PDE7B: variants seen among roughly 807,000 people sequenced by gnomAD.
PDE7B encodes 3',5'-cyclic-AMP phosphodiesterase 7B.
In PDE7B, 29 loss-of-function variants were observed where a neutral mutation model predicts 56.2. The observed-to-expected ratio is 0.52, with a 90% confidence interval of 0.38 to 0.70. PDE7B has a LOEUF of 0.70. Ranked by LOEUF, PDE7B falls within the 30% of genes least tolerant of loss-of-function variation. The pLI is 0.00. For missense variants in PDE7B, 490 were observed against 565.0 expected (o/e 0.87, Z 1.35); for synonymous variants, 197 against 196.9 (o/e 1.00, Z 0.00).
intron 2 of PDE7B, among the ~76,000 whole-genome samples, chr6:136,051,491 A>G (rs892291665): frequency 6.6e-6 from 1 of 152,244 alleles, no homozygotes; most frequent in African/African-American, 2.4e-5. Flanking sequence ...CCCTGCAAGA[A>G]GCATATCCTG....
intron 2 of PDE7B, among the ~76,000 whole-genome samples, chr6:135,972,265 A>C (rs1359052652): frequency 4.6e-5 from 7 of 150,642 alleles, no homozygotes; most frequent in African/African-American, 9.8e-5. Flanking sequence ...AAAAAAACCC[A>C]AAAAACAGGG....
chr6:136,104,278 A>G (rs1486610596), intron 2 of PDE7B, among the ~76,000 whole-genome samples: 3 of 152,226 alleles, frequency 2.0e-5, no homozygotes, highest in African/African-American at 7.2e-5. Flanking sequence ...TAGGCTGTCA[A>G]CGCTTCCTAC....
At chr6:135,914,485 C>CTTT (rs759938662) in intron 1 of PDE7B, among the ~76,000 whole-genome samples, 10 of 41,920 alleles carry the variant, frequency 2.4e-4, no homozygotes, top group Non-Finnish European at 3.4e-4. Context: ...TTTTATAATG[C>CTTT]TTTTTTTTTT....
At chr6:135,989,793 G>A (rs1775448362) in intron 2 of PDE7B, among the ~76,000 whole-genome samples, 2 of 152,096 alleles carry the variant, frequency 1.3e-5, no homozygotes, top group South Asian at 4.2e-4. Context: ...TGCCCACTTG[G>A]TGGGTTTCTG....
Position 136,125,586 on chromosome 6 carries a change from T to G in PDE7B, c.166+16772T>G, listed in dbSNP as rs117923178. ...CCTGTCCCTAAAAAAAATAAATAAA[T>G]AAAGAATACATATATATATATAGGT... On this transcript the variant is annotated intron_variant, in intron 3 of 12. Transcript: ENST00000308191. 4.0e-4 allele frequency among the ~76,000 whole-genome samples: 60 copies of G among 151,686 alleles called. No individual in the cohort carries two copies. The East Asian group carries it at 4.3e-3, about 11-fold the overall frequency.
intron 3 of PDE7B, among the ~76,000 whole-genome samples, chr6:136,131,494 G>GTTTTTTTTTTT (rs1201361799): frequency 3.5e-5 from 3 of 84,712 alleles, no homozygotes; most frequent in African/African-American, 4.7e-5. Flanking sequence ...ATCCTGGCAG[G>GTTTTTTTTTTT]TTTTTTTTTT....
intron 2 of PDE7B, among the ~76,000 whole-genome samples, chr6:136,026,127 C>T (rs1776146461): frequency 6.6e-6 from 1 of 152,216 alleles, no homozygotes; most frequent in Non-Finnish European, 1.5e-5. Flanking sequence ...AAGGTAAAGA[C>T]TACTCTGATA....
At chr6:135,859,283 T>G (rs573331733) in intron 1 of PDE7B, among the ~76,000 whole-genome samples, 63 of 152,264 alleles carry the variant, frequency 4.1e-4, no homozygotes, top group South Asian at 2.7e-3. Flanking sequence ...TGTGTTTCCA[T>G]GTTCTTAAGA....
chr6:135,880,907 T>G (rs1449952606), intron 1 of PDE7B, among the ~76,000 whole-genome samples: 2 of 152,150 alleles, frequency 1.3e-5, no homozygotes, highest in Non-Finnish European at 2.9e-5. Flanking sequence ...GAAAGAAAAT[T>G]ATAAGTTTGC....
rs773729461 is a variant in PDE7B, at chr6:136,192,649, T to C, written c.*809T>C. On this transcript the variant is annotated 3_prime_UTR_variant, in exon 13 of 13. Transcript: ENST00000308191. ...TACATTTTCTGTAAATACCAAACGC[T>C]ACTGATTCCCATGCCAAAATACATG... The C allele has an allele frequency of 3.3e-5, 5 of 152,676 alleles. No individual in the cohort carries two copies. Among genetic ancestry groups the C allele is most frequent in the Non-Finnish European group, 7.3e-5 (5 of 68,048 alleles). 9.5% of individuals were successfully genotyped at this position (152,676 alleles called of 1,614,324 possible).
At chr6:136,107,952 C>T (rs529940940) in intron 2 of PDE7B, among the ~76,000 whole-genome samples, 28 of 151,982 alleles carry the variant, frequency 1.8e-4, no homozygotes, top group African/African-American at 6.0e-4. Flanking sequence ...CATGGTGATA[C>T]CCTGTCTCTA....
chr6:136,138,434 C>T (rs910200372), intron 3 of PDE7B, among the ~76,000 whole-genome samples: 5 of 152,030 alleles, frequency 3.3e-5, no homozygotes, highest in Non-Finnish European at 7.4e-5. Context: ...CTTATATCTT[C>T]GTTTTTCTTT....
chr6:136,022,787 A>G (rs1776093608), intron 2 of PDE7B, among the ~76,000 whole-genome samples: 1 of 152,214 alleles, frequency 6.6e-6, no homozygotes. Flanking sequence ...GTGTCTGTGC[A>G]CAAAATGGTA....
At chr6:135,991,679 A>ATGCTTTTTAGTCATGCATAAAAAAT (rs1308379820) in intron 2 of PDE7B, among the ~76,000 whole-genome samples, 1 of 152,170 alleles carries the variant, frequency 6.6e-6, no homozygotes, top group Non-Finnish European at 1.5e-5. Flanking sequence ...TTTTCTTCGA[A>ATGCTTTTTAGTCATGCATAAAAAAT]TGCTTTTTAG....
At chr6:135,897,371 C>A (rs186712503) in intron 1 of PDE7B, among the ~76,000 whole-genome samples, 22 of 152,044 alleles carry the variant, frequency 1.4e-4, no homozygotes, top group South Asian at 1.0e-3. Context: ...AGAGTAGGGT[C>A]AATGTCTTCT....
At chr6:136,140,912 C>G (rs9402792) in intron 3 of PDE7B, among the ~76,000 whole-genome samples, 67,817 of 150,970 alleles carry the variant, frequency 0.45, 15,766 homozygotes, top group African/African-American at 0.59. Context: ...CGTCTGCAAA[C>G]AGGGACAATT....
At chr6:135,979,930 G>T (rs1351861616) in intron 2 of PDE7B, among the ~76,000 whole-genome samples, 1 of 152,080 alleles carries the variant, frequency 6.6e-6, no homozygotes, top group African/African-American at 2.4e-5. Flanking sequence ...CACAGAATTT[G>T]AAAAAACTAC....
chr6:135,975,574 A>ACAGCTCT (rs149218238), intron 2 of PDE7B, among the ~76,000 whole-genome samples: 1 of 152,116 alleles, frequency 6.6e-6, no homozygotes, highest in African/African-American at 2.4e-5. Context: ...TCTCCAAGGA[A>ACAGCTCT]CTACAGCCTT....
At chr6:136,001,695 C>T (rs542237105) in intron 2 of PDE7B, among the ~76,000 whole-genome samples, 21 of 152,178 alleles carry the variant, frequency 1.4e-4, no homozygotes, top group African/African-American at 4.8e-4. Flanking sequence ...AAATATGGGA[C>T]TATGTGAAAA....
Sources: gnomAD v4.1 joint callset for allele counts (sites outside exome capture counted in the v4.1 genomes callset) on GRCh38, gnomAD v4.1.1 for gene constraint, MANE v1.5 for transcripts, NCBI Gene and HGNC (gene_info 2026-07-23, HGNC 2026-07-21) for gene names.